CAMK2B: variants seen among roughly 807,000 people sequenced by gnomAD.
CAMK2B encodes calcium/calmodulin-dependent protein kinase type II subunit beta.
In CAMK2B, 27 loss-of-function variants were observed where a neutral mutation model predicts 93.7. The ratio of observed to expected loss-of-function variants is 0.29; its 90% CI spans 0.21 to 0.40. The LOEUF (loss-of-function observed/expected upper bound fraction) is 0.40, where lower values mean the gene tolerates loss of function less well. CAMK2B is among the 10% of genes least tolerant of loss of function. The pLI, the probability that CAMK2B is intolerant of heterozygous loss-of-function variation, is 1.00. For synonymous variants in CAMK2B, 374 were observed against 358.8 expected (o/e 1.04, Z -0.48); for missense variants, 568 against 895.8 (o/e 0.63, Z 4.67).
At chr7:44,308,812 C>A (rs1337039678) in intron 1 of CAMK2B, among the ~76,000 whole-genome samples, 2 of 152,178 alleles carry the variant, frequency 1.3e-5, no homozygotes, top group African/African-American at 2.4e-5. Flanking sequence ...GCACATCAGG[C>A]GGTGTGCGAG....
At chr7:44,283,845 C>G (rs532988598) in intron 2 of CAMK2B, among the ~76,000 whole-genome samples, 18 of 152,338 alleles carry the variant, frequency 1.2e-4, no homozygotes, top group African/African-American at 4.3e-4. Flanking sequence ...AACAACCTAA[C>G]CAGAGCACAA....
chr7:44,278,266 G>T (rs1464616745), intron 2 of CAMK2B, among the ~76,000 whole-genome samples: 1 of 152,200 alleles, frequency 6.6e-6, no homozygotes, highest in African/African-American at 2.4e-5. Flanking sequence ...GGACGCAGAG[G>T]GTCTGGCCAG....
intron 1 of CAMK2B, among the ~76,000 whole-genome samples, chr7:44,310,455 C>A (rs1793234888): frequency 6.6e-6 from 1 of 152,178 alleles, no homozygotes; most frequent in Non-Finnish European, 1.5e-5. Context: ...GCCACACAAC[C>A]CAGTGGCTAT....
chr7:44,233,548 C>T (rs2096598776), intron 15 of CAMK2B, among the ~76,000 whole-genome samples: 2 of 152,156 alleles, frequency 1.3e-5, no homozygotes, highest in South Asian at 4.1e-4. Flanking sequence ...AAGCCTGCTT[C>T]CAGCAAATAT....
chr7:44,243,576 G>T, intron 6 of CAMK2B, 49 bp from the exon 7 acceptor site: 3 of 1,483,590 alleles, frequency 2.0e-6, no homozygotes, highest in Non-Finnish European at 2.8e-6. Context: ...AAACCCAGAG[G>T]TGTTATGTGG....
intron 5 of CAMK2B, among the ~76,000 whole-genome samples, chr7:44,249,157 G>A (rs780504491): frequency 7.2e-5 from 11 of 152,160 alleles, no homozygotes; most frequent in Non-Finnish European, 1.3e-4. Flanking sequence ...CATCTGCCTG[G>A]ACCAGCCCCT....
chr7:44,244,426 A>G (rs1281822110), intron 6 of CAMK2B, among the ~76,000 whole-genome samples: 1 of 151,742 alleles, frequency 6.6e-6, no homozygotes, highest in African/African-American at 2.4e-5. Flanking sequence ...CAGCCTCACC[A>G]TCTCCCAGCG....
At position 44,275,919 on chromosome 7, in the gene CAMK2B, G is replaced by GT. The variant is rs563912949; in HGVS notation, c.160+8211_160+8212insA. Among the ~76,000 whole-genome samples, 655 of 151,978 alleles carry GT rather than the reference G, an allele frequency of 4.3e-3. 4 individuals are homozygous for GT. The highest frequency in any genetic ancestry group is 0.015 in the African/African-American group (633 of 41,426). The stretch of plus-strand genomic sequence containing the variant: ...GGCTGACCCTGGGGCAGGGGAGGGG[G>GT]CGTTTCCCAGGGATTCCCCCAATTC... On this transcript the variant is annotated intron_variant, in intron 2 of 23. Transcript: ENST00000395749.
chr7:44,320,749 A>T (rs1424148268), intron 1 of CAMK2B, among the ~76,000 whole-genome samples: 1 of 152,240 alleles, frequency 6.6e-6, no homozygotes. Context: ...TACATTAAGG[A>T]ATCAAGACCA....
chr7:44,263,116 C>T (rs760226027), intron 2 of CAMK2B, 52 bp from the exon 3 acceptor site: 9 of 1,561,098 alleles, frequency 5.8e-6, no homozygotes, highest in Non-Finnish European at 8.8e-7. Context: ...AACTGGTGGC[C>T]CAGGGATCGT....
intron 1 of CAMK2B, among the ~76,000 whole-genome samples, chr7:44,288,802 G>C (rs1563031602): frequency 6.6e-6 from 1 of 152,092 alleles, no homozygotes. Context: ...CTGTTTCTAC[G>C]ACTGCACCTG....
intron 17 of CAMK2B, chr7:44,230,157 C>T (rs1242910405): frequency 6.6e-6 from 1 of 152,276 alleles, no homozygotes; most frequent in African/African-American, 2.4e-5. Context: ...CCTTTGGGGC[C>T]TGTTCCAGAC....
chr7:44,293,328 C>G (rs1032464789), intron 1 of CAMK2B, among the ~76,000 whole-genome samples: 5 of 152,240 alleles, frequency 3.3e-5, no homozygotes, highest in African/African-American at 1.2e-4. Flanking sequence ...CATTTCTTAA[C>G]CAAATAAGCT....
At chr7:44,247,787 G>A (rs1277871596) in intron 5 of CAMK2B, among the ~76,000 whole-genome samples, 2 of 152,220 alleles carry the variant, frequency 1.3e-5, no homozygotes, top group Admixed American at 6.5e-5. Context: ...CAGCACTTTG[G>A]GAGGCCAAGG....
At chr7:44,313,598 G>A (rs552478090) in intron 1 of CAMK2B, among the ~76,000 whole-genome samples, 16 of 151,562 alleles carry the variant, frequency 1.1e-4, no homozygotes, top group African/African-American at 3.9e-4. Context: ...GGAACCCTCA[G>A]TCACACAGCC....
chr7:44,219,284 T>A lies in CAMK2B; in HGVS notation c.*241A>T, dbSNP rs1352928701. On this transcript the variant is annotated 3_prime_UTR_variant, in exon 24 of 24. Transcript: ENST00000395749. ...TTTTTCCTTCCTTTAGTTTTTTTTG[T>A]TTTTTTTTTTTTTCATTTCATCTGA... The A allele has an allele frequency of 1.6e-5, 1 of 62,974 alleles. No individual in the cohort carries two copies. Among genetic ancestry groups the A allele is most frequent in the Non-Finnish European group, 3.4e-5 (1 of 29,336 alleles). The allele number at this position is 62,974 out of a possible 1,614,324, so 3.9% of individuals were successfully genotyped here.
intron 2 of CAMK2B, 26 bp from the exon 3 acceptor site, chr7:44,263,090 C>T: frequency 1.2e-6 from 2 of 1,611,056 alleles, no homozygotes; most frequent in Non-Finnish European, 1.7e-6. Flanking sequence ...AACAAGGCGT[C>T]ACCTCCTGCG....
At chr7:44,324,870 G>T (rs1026616368) in intron 1 of CAMK2B, among the ~76,000 whole-genome samples, 1 of 152,044 alleles carries the variant, frequency 6.6e-6, no homozygotes, top group Non-Finnish European at 1.5e-5. Context: ...CCACGCGCAG[G>T]AGCAGGCGCA....
At chr7:44,291,826 C>G (rs1252568314) in intron 1 of CAMK2B, among the ~76,000 whole-genome samples, 1 of 152,196 alleles carries the variant, frequency 6.6e-6, no homozygotes, top group Non-Finnish European at 1.5e-5. Context: ...TTCACGTCAG[C>G]AGCAATGGAA....
Sources: allele counts gnomAD v4.1 joint callset (sites outside exome capture counted in the v4.1 genomes callset), GRCh38; gene constraint gnomAD v4.1.1; transcripts MANE v1.5; gene names NCBI Gene and HGNC (gene_info 2026-07-23, HGNC 2026-07-21).